TNFAIP8: variants seen among roughly 807,000 people sequenced by gnomAD.
TNFAIP8 encodes tumor necrosis factor alpha-induced protein 8.
In TNFAIP8, 7 loss-of-function variants were observed where a neutral mutation model predicts 13.3. That is an observed-to-expected ratio of 0.52 (90% CI 0.30 to 0.99). The LOEUF (loss-of-function observed/expected upper bound fraction) is 0.99, where lower values mean the gene tolerates loss of function less well. Ranked by LOEUF, TNFAIP8 falls within the 50% of genes least tolerant of loss-of-function variation. The pLI is 0.07. For synonymous variants in TNFAIP8, 94 were observed against 87.6 expected, an observed-to-expected ratio of 1.07 and a Z score of -0.41; for missense variants, 258 against 236.9, an observed-to-expected ratio of 1.09 and a Z score of -0.58.
chr5:119,357,225 G>A (rs181689597), intron 1 of TNFAIP8, among the ~76,000 whole-genome samples: 1 of 152,288 alleles, frequency 6.6e-6, no homozygotes, highest in East Asian at 1.9e-4. Context: ...TAAAAAGGAG[G>A]TTTGTTTAAT....
chr5:119,343,988 C>T (rs73237264), intron 1 of TNFAIP8, among the ~76,000 whole-genome samples: 4,725 of 152,232 alleles, frequency 0.031, 231 homozygotes, highest in African/African-American at 0.11. Context: ...TGTGTGTGGG[C>T]GCACATTCAT....
rs1658060229 is a variant in TNFAIP8 at position 119,398,071 on chromosome 5, T to G, written c.*4690T>G. ...AACATCTGTGCTTTGGAAAATGTTC[T>G]TCAAGGATAGAGAATTGTGCCCTAT... On this transcript the variant is annotated 3_prime_UTR_variant, in exon 2 of 2. Coordinates refer to ENST00000504771, the MANE Select transcript of TNFAIP8 (RefSeq NM_014350.4). The G allele has an allele frequency of 6.6e-6, 1 of 152,230 alleles. No homozygotes were observed. The highest frequency in any genetic ancestry group is 1.5e-5 in the Non-Finnish European group (1 of 68,048). 9.4% of individuals were successfully genotyped at this position (152,230 alleles called of 1,614,324 possible). A position where few individuals can be genotyped will look rare whatever the true frequency, so the allele number is the denominator to read the frequency against.
intron 1 of TNFAIP8, among the ~76,000 whole-genome samples, chr5:119,318,651 GT>G (rs11365139): frequency 0.77 from 107,935 of 140,100 alleles, 42,055 homozygotes; most frequent in African/African-American, 0.88. Flanking sequence ...TAGTTTTTCA[GT>G]TTTTTTTCTT....
At chr5:119,369,114 T>C (rs893556754) in intron 1 of TNFAIP8, among the ~76,000 whole-genome samples, 28 of 149,492 alleles carry the variant, frequency 1.9e-4, no homozygotes, top group Non-Finnish European at 3.7e-4. Context: ...AGTACAGTGG[T>C]GCAATCTTGG....
At chr5:119,341,647 A>G (rs1750740313) in intron 1 of TNFAIP8, among the ~76,000 whole-genome samples, 1 of 152,202 alleles carries the variant, frequency 6.6e-6, no homozygotes, top group African/African-American at 2.4e-5. Context: ...AGTGCCACCA[A>G]AATTTTCACC....
intron 1 of TNFAIP8, among the ~76,000 whole-genome samples, chr5:119,275,463 A>C (rs188857863): frequency 1.3e-5 from 2 of 152,164 alleles, no homozygotes; most frequent in Non-Finnish European, 2.9e-5. Flanking sequence ...TTGGAAGAGC[A>C]CGGGCCCAAC....
At chr5:119,315,291 C>T (rs889696085) in intron 1 of TNFAIP8, among the ~76,000 whole-genome samples, 2 of 152,136 alleles carry the variant, frequency 1.3e-5, no homozygotes, top group African/African-American at 2.4e-5. Flanking sequence ...ACCATGTTGG[C>T]CAGGCTGGTC....
At chr5:119,298,084 T>C (rs953963990) in intron 1 of TNFAIP8, among the ~76,000 whole-genome samples, 5 of 152,246 alleles carry the variant, frequency 3.3e-5, no homozygotes, top group Admixed American at 2.6e-4. Context: ...TGTCTTTTAA[T>C]TGGAGCATTT....
At chr5:119,273,491 A>G (rs1748351883) in intron 1 of TNFAIP8, among the ~76,000 whole-genome samples, 1 of 152,218 alleles carries the variant, frequency 6.6e-6, no homozygotes, top group Admixed American at 6.5e-5. Flanking sequence ...TATAAGGGAA[A>G]TGTCACCGCT....
chr5:119,322,015 GCCTTTGCACACA>G (rs1750071356), intron 1 of TNFAIP8, among the ~76,000 whole-genome samples: 1 of 152,046 alleles, frequency 6.6e-6, no homozygotes, highest in African/African-American at 2.4e-5. Flanking sequence ...CTACTTCAGA[GCCTTTGCACACA>G]CCCCTCCCTC....
chr5:119,338,069 G>A (rs924594016), intron 1 of TNFAIP8, among the ~76,000 whole-genome samples: 8 of 151,878 alleles, frequency 5.3e-5, no homozygotes, highest in African/African-American at 7.3e-5. Context: ...GTGCCCCTGA[G>A]CTCCTCACCA....
intron 1 of TNFAIP8, among the ~76,000 whole-genome samples, chr5:119,292,011 A>G (rs1163125190): frequency 6.6e-6 from 1 of 152,218 alleles, no homozygotes; most frequent in Non-Finnish European, 1.5e-5. Flanking sequence ...AGTCAAGAAT[A>G]AAATGCCTGC....
chr5:119,282,682 C>T (rs939107279), intron 1 of TNFAIP8, among the ~76,000 whole-genome samples: 4 of 152,236 alleles, frequency 2.6e-5, no homozygotes, highest in Non-Finnish European at 4.4e-5. Flanking sequence ...ACAGCCTAGG[C>T]CCCTGGCATG....
chr5:119,340,591 C>T (rs921244806), intron 1 of TNFAIP8, among the ~76,000 whole-genome samples: 2 of 152,174 alleles, frequency 1.3e-5, no homozygotes, highest in Admixed American at 1.3e-4. Flanking sequence ...AAGACAACCT[C>T]GAAACCTTCC....
At chr5:119,333,471 A>C (rs549320274) in intron 1 of TNFAIP8, 1 of 1,426,178 alleles carries the variant, frequency 7.0e-7, no homozygotes, top group Non-Finnish European at 9.2e-7. Context: ...ATTATTTTGA[A>C]TTATTCTTGA....
chr5:119,358,235 C>G (rs760555366), intron 1 of TNFAIP8, among the ~76,000 whole-genome samples: 1 of 151,814 alleles, frequency 6.6e-6, no homozygotes, highest in Non-Finnish European at 1.5e-5. Flanking sequence ...AGAGGAGATA[C>G]TTTTAAGTCA....
intron 1 of TNFAIP8, among the ~76,000 whole-genome samples, chr5:119,389,023 C>T (rs963061199): frequency 2.0e-5 from 3 of 151,926 alleles, no homozygotes; most frequent in Admixed American, 6.6e-5. Flanking sequence ...GGCTGCTGTC[C>T]GTGGAGATGG....
At chr5:119,353,176 G>A (rs972213350), upstream of TNFAIP8, among the ~76,000 whole-genome samples, 1 of 152,192 alleles carries the variant, frequency 6.6e-6, no homozygotes, top group Non-Finnish European at 1.5e-5. Flanking sequence ...GATGTTTGGG[G>A]TGTTTCTTAA....
At chr5:119,306,061 GT>G (rs1166907786) in intron 1 of TNFAIP8, among the ~76,000 whole-genome samples, 1 of 152,098 alleles carries the variant, frequency 6.6e-6, no homozygotes, top group Non-Finnish European at 1.5e-5. Context: ...CTATATTGCT[GT>G]TTCACACCTC....
Sources: allele counts gnomAD v4.1 joint callset (sites outside exome capture counted in the v4.1 genomes callset), GRCh38; gene constraint gnomAD v4.1.1; transcripts MANE v1.5; gene names NCBI Gene and HGNC (gene_info 2026-07-23, HGNC 2026-07-21).